DLGAP4: variants seen among roughly 807,000 people sequenced by gnomAD.
DLGAP4 encodes the protein disks large-associated protein 4.
DLGAP4 carries 18 observed loss-of-function variants against 86.9 expected under a neutral mutation model. The observed-to-expected ratio is 0.21, with a 90% confidence interval of 0.14 to 0.31. DLGAP4 has a LOEUF of 0.31. DLGAP4 is among the 10% of genes least tolerant of loss of function. The pLI, the probability that DLGAP4 is intolerant of heterozygous loss-of-function variation, is 1.00. For missense variants in DLGAP4, 1,085 were observed against 1,362.6 expected, an observed-to-expected ratio of 0.80 and a Z score of 3.21; for synonymous variants, 548 against 574.3, an observed-to-expected ratio of 0.95 and a Z score of 0.65.
intron 1 of DLGAP4, among the ~76,000 whole-genome samples, chr20:36,349,620 G>T (rs2030076564): frequency 6.6e-6 from 1 of 152,078 alleles, no homozygotes; most frequent in African/African-American, 2.4e-5. Context: ...CAGGAAGGAG[G>T]CCGGAGCTGC....
intron 1 of DLGAP4, among the ~76,000 whole-genome samples, chr20:36,325,876 C>CCTGGCTGATTTTTGTATTTTTAGTAGAGA (rs2065211440): frequency 2.0e-5 from 3 of 152,030 alleles, no homozygotes; most frequent in African/African-American, 7.2e-5. Context: ...CACCACCATG[C>CCTGGCTGATTTTTGTATTTTTAGTAGAGA]CTGGCTGATT....
At chr20:36,341,431 C>T (rs1243942816) in intron 1 of DLGAP4, among the ~76,000 whole-genome samples, 2 of 152,234 alleles carry the variant, frequency 1.3e-5, no homozygotes, top group Admixed American at 1.3e-4. Context: ...TAGCAAAGTG[C>T]CTGGCATGTA....
In DLGAP4 at chr20:36,500,167, C is replaced by T; in HGVS notation, c.2100-32C>T. 1 of 1,509,464 alleles carries T rather than the reference C, an allele frequency of 6.6e-7. No individual in the cohort carries two copies. Among genetic ancestry groups the T allele is most frequent in the East Asian group, 2.3e-5 (1 of 42,752 alleles). 93.5% of individuals were successfully genotyped at this position (1,509,464 alleles called of 1,614,324 possible). A position where few individuals can be genotyped will look rare whatever the true frequency, so the allele number is the denominator to read the frequency against. Reference sequence around the variant, plus strand: ...GGCCCTCTTGGTGACTCACTCCTTCCTGTCCCCACCCCATCCACCCCCTAC... The same window carrying T: ...GGCCCTCTTGGTGACTCACTCCTTCTTGTCCCCACCCCATCCACCCCCTAC... On this transcript the variant is annotated intron_variant, in intron 9 of 12. Coordinates refer to ENST00000339266, the MANE Select transcript of DLGAP4 (RefSeq NM_001365621.2). The surrounding 1 kb of genome is among the most constrained non-coding windows in gnomAD (Gnocchi z 4.6).
At chr20:36,451,173 G>T (rs1025565183) in intron 7 of DLGAP4, among the ~76,000 whole-genome samples, 2 of 152,178 alleles carry the variant, frequency 1.3e-5, no homozygotes, top group Non-Finnish European at 2.9e-5. Context: ...AACATTTGAT[G>T]AGTTTTCTAT....
At chr20:36,506,770 T>G (rs1357539516) in intron 10 of DLGAP4, among the ~76,000 whole-genome samples, 1 of 152,206 alleles carries the variant, frequency 6.6e-6, no homozygotes, top group Non-Finnish European at 1.5e-5. Flanking sequence ...TCTCTAGAAC[T>G]TGTTTTGTCT....
chr20:36,345,510 C>G (rs2029908827), intron 1 of DLGAP4, among the ~76,000 whole-genome samples: 1 of 152,232 alleles, frequency 6.6e-6, no homozygotes, highest in Non-Finnish European at 1.5e-5. Flanking sequence ...TCTTCTCTCT[C>G]AGGCTCTTCA....
At chr20:36,328,135 G>T (rs183990992) in intron 1 of DLGAP4, among the ~76,000 whole-genome samples, 1 of 152,092 alleles carries the variant, frequency 6.6e-6, no homozygotes, top group African/African-American at 2.4e-5. Context: ...GGAGGTGGAG[G>T]TTGCAGTGAG....
chr20:36,361,065 G>T (rs1555894203), intron 1 of DLGAP4, among the ~76,000 whole-genome samples: 1 of 151,902 alleles, frequency 6.6e-6, no homozygotes, highest in African/African-American at 2.4e-5. Context: ...AAGGACTCAG[G>T]ACAGAGGAAC....
In DLGAP4 at chr20:36,379,712, G is replaced by A. The variant is rs187312929; in HGVS notation, c.-73+12437G>A. Among the ~76,000 whole-genome samples the A allele has an allele frequency of 2.4e-4, 36 of 152,262 alleles. No individual in the cohort carries two copies. The East Asian group carries it at 5.6e-3, about 24-fold the overall frequency. ...AGAGTGAGCACAGGCTTCGGCATTCGGCCCAGTGGCCAATTCCAGATCTGC... is the reference window on the plus strand; with the variant it reads ...AGAGTGAGCACAGGCTTCGGCATTCAGCCCAGTGGCCAATTCCAGATCTGC... On this transcript the variant is annotated intron_variant, in intron 2 of 12. Transcript: ENST00000339266.
intron 10 of DLGAP4, among the ~76,000 whole-genome samples, chr20:36,513,554 CAAAAAAAAAAAAA>C (rs562398294): frequency 1.2e-4 from 5 of 40,552 alleles, no homozygotes; most frequent in Admixed American, 7.9e-4. Flanking sequence ...GACTCCGTCT[CAAAAAAAAAAAAA>C]AAAAAAAAAA....
At chr20:36,454,759 A>C (rs1235187390) in intron 7 of DLGAP4, among the ~76,000 whole-genome samples, 3 of 152,178 alleles carry the variant, frequency 2.0e-5, no homozygotes, top group Non-Finnish European at 4.4e-5. Context: ...CGGTGGGTTG[A>C]TGTAGGGGAG....
At chr20:36,399,361 T>G (rs2032090522) in intron 2 of DLGAP4, among the ~76,000 whole-genome samples, 1 of 152,258 alleles carries the variant, frequency 6.6e-6, no homozygotes, top group Non-Finnish European at 1.5e-5. Flanking sequence ...AGCCTTGGTT[T>G]CCTTATCTAT....
At chr20:36,422,021 A>G (rs1268362674) in intron 2 of DLGAP4, among the ~76,000 whole-genome samples, 1 of 152,110 alleles carries the variant, frequency 6.6e-6, no homozygotes, top group African/African-American at 2.4e-5. Context: ...AGCCAGCAAG[A>G]GCCGGAGCAG....
intron 1 of DLGAP4, among the ~76,000 whole-genome samples, chr20:36,333,989 G>A (rs1334312849): frequency 1.3e-5 from 2 of 152,238 alleles, no homozygotes; most frequent in African/African-American, 4.8e-5. Flanking sequence ...ACCCACAGGG[G>A]TGACCAGGTA....
At chr20:36,343,846 G>A (rs2065409162) in intron 1 of DLGAP4, among the ~76,000 whole-genome samples, 1 of 152,238 alleles carries the variant, frequency 6.6e-6, no homozygotes, top group Non-Finnish European at 1.5e-5. Context: ...GCACTGGTGG[G>A]CCCCGAGTGG....
intron 2 of DLGAP4, among the ~76,000 whole-genome samples, chr20:36,372,484 G>C (rs1048667671): frequency 6.6e-6 from 1 of 150,770 alleles, no homozygotes. Flanking sequence ...ATCCTTGCTA[G>C]ATAAGCTGTG....
At chr20:36,358,435 T>C (rs1015494763) in intron 1 of DLGAP4, among the ~76,000 whole-genome samples, 2 of 152,218 alleles carry the variant, frequency 1.3e-5, no homozygotes, top group African/African-American at 2.4e-5. Context: ...TGGGCTCCTG[T>C]CCCCAACATG....
rs1316164922 is a variant in DLGAP4 at position 36,525,251 on chromosome 20, AAAAC to A, written c.2605-596_2605-593del. Among the ~76,000 whole-genome samples the A allele has an allele frequency of 4.9e-4, 31 of 63,300 alleles. 5 individuals carry two copies. The highest frequency in any genetic ancestry group is 2.1e-3 in the South Asian group (4 of 1,932). 41.5% of individuals were successfully genotyped at this position (63,300 alleles called of 152,430 possible). A position where few individuals can be genotyped will look rare whatever the true frequency, so the allele number is the denominator to read the frequency against. On this transcript the variant is annotated intron_variant, in intron 11 of 12. Coordinates refer to ENST00000339266, the MANE Select transcript of DLGAP4 (RefSeq NM_001365621.2). ...AAAAAAAAAAAAAAAAAAAAAAAAAAAAACAAAGAAATCCCACTGCTGGGATTGG... is the reference window on the plus strand; with the variant it reads ...AAAAAAAAAAAAAAAAAAAAAAAAAAAAAGAAATCCCACTGCTGGGATTGG...
rs1491204569 is a variant in DLGAP4, at chr20:36,528,098, AGT to A, written c.*1074_*1075del. The A allele has an allele frequency of 6.6e-6, 1 of 151,142 alleles. No homozygotes were observed. The highest frequency in any genetic ancestry group is 6.6e-5 in the Admixed American group (1 of 15,178). The allele number at this position is 151,142 out of a possible 1,614,324, so 9.4% of individuals were successfully genotyped here. ...TGTACTATATCTAGGTGTGTGTACA[AGT>A]GTGTGTAAAAATATATACCTTGTGT... On this transcript the variant is annotated 3_prime_UTR_variant, in exon 13 of 13. Coordinates refer to ENST00000339266, the MANE Select transcript of DLGAP4 (RefSeq NM_001365621.2).
Sources: allele counts gnomAD v4.1 joint callset (sites outside exome capture counted in the v4.1 genomes callset), GRCh38; gene constraint gnomAD v4.1.1; non-coding constraint Gnocchi (gnomAD v3.1); transcripts MANE v1.5; gene names NCBI Gene and HGNC (gene_info 2026-07-23, HGNC 2026-07-21).